Variants in OSBPL6 observed in about 807,000 individuals in gnomAD.
OSBPL6 encodes oxysterol-binding protein-related protein 6.
A neutral mutation model predicts 125.8 loss-of-function variants in OSBPL6; 49 were observed. The observed-to-expected ratio is 0.39, with a 90% confidence interval of 0.31 to 0.49. The LOEUF is 0.49. OSBPL6 is among the 20% of genes least tolerant of loss of function. OSBPL6 has a pLI of 0.88. For missense variants in OSBPL6, 986 were observed against 1,135.4 expected (o/e 0.87, Z 1.89); for synonymous variants, 394 against 391.8 (o/e 1.01, Z -0.07).
intron 1 of OSBPL6, among the ~76,000 whole-genome samples, chr2:178,246,353 C>T (rs1486364394): frequency 2.0e-5 from 3 of 152,148 alleles, no homozygotes; most frequent in African/African-American, 7.2e-5. Flanking sequence ...TGAGCATCTC[C>T]TCCTGTGGCT....
intron 12 of OSBPL6, among the ~76,000 whole-genome samples, chr2:178,359,279 A>G (rs1028846439): frequency 8.5e-5 from 13 of 152,230 alleles, no homozygotes; most frequent in African/African-American, 2.7e-4. Context: ...AGATGACATA[A>G]AAATGACCAA....
intron 13 of OSBPL6, among the ~76,000 whole-genome samples, chr2:178,364,666 C>A (rs1465270351): frequency 6.6e-6 from 1 of 152,070 alleles, no homozygotes; most frequent in East Asian, 1.9e-4. Flanking sequence ...AGCTGGTTTG[C>A]TTTAGGTATT....
intron 4 of OSBPL6, among the ~76,000 whole-genome samples, chr2:178,327,196 G>A (rs1279306366): frequency 1.3e-5 from 2 of 152,138 alleles, no homozygotes; most frequent in Non-Finnish European, 2.9e-5. Flanking sequence ...GAAATTAGTA[G>A]TTAGTAGCCA....
intron 13 of OSBPL6, among the ~76,000 whole-genome samples, chr2:178,363,245 G>A (rs542549864): frequency 3.3e-5 from 5 of 152,248 alleles, no homozygotes; most frequent in African/African-American, 9.6e-5. Flanking sequence ...GTGAAACAGA[G>A]AATGGTAAAT....
intron 1 of OSBPL6, among the ~76,000 whole-genome samples, chr2:178,223,739 C>G (rs562215738): frequency 5.3e-5 from 8 of 152,198 alleles, no homozygotes; most frequent in Non-Finnish European, 1.0e-4. Context: ...TATTGTTACT[C>G]ATTCTCAAAT....
chr2:178,245,615 C>T (rs1191486382), intron 1 of OSBPL6, among the ~76,000 whole-genome samples: 2 of 152,200 alleles, frequency 1.3e-5, no homozygotes, highest in South Asian at 2.1e-4. Context: ...AACAAGTATA[C>T]GTGGGATAAC....
At chr2:178,356,754 G>A (rs1025057782) in intron 12 of OSBPL6, among the ~76,000 whole-genome samples, 1 of 152,110 alleles carries the variant, frequency 6.6e-6, no homozygotes, top group Non-Finnish European at 1.5e-5. Flanking sequence ...AGTTCATGTG[G>A]AAACAAAAAA....
chr2:178,198,883 AT>A (rs1334124107), intron 1 of OSBPL6, among the ~76,000 whole-genome samples: 1 of 152,230 alleles, frequency 6.6e-6, no homozygotes, highest in African/African-American at 2.4e-5. Context: ...AATAGCTAAA[AT>A]GACCAAGGAT....
At chr2:178,251,769 G>T (rs559564828) in intron 1 of OSBPL6, among the ~76,000 whole-genome samples, 1 of 152,108 alleles carries the variant, frequency 6.6e-6, no homozygotes, top group Non-Finnish European at 1.5e-5. Flanking sequence ...AGGCACTGGC[G>T]CCAAATGGAG....
rs1227598356 is a variant in OSBPL6 at position 178,401,874 on chromosome 2, C to T, written c.*6315C>T. The T allele has an allele frequency of 6.6e-6, 1 of 152,214 alleles. No individual in the cohort carries two copies. The highest frequency in any genetic ancestry group is 1.5e-5 in the Non-Finnish European group (1 of 68,078). The allele number at this position is 152,214 out of a possible 1,614,324, so 9.4% of individuals were successfully genotyped here. A position where few individuals can be genotyped will look rare whatever the true frequency, so the allele number is the denominator to read the frequency against. Reference sequence around the variant, plus strand: ...AGAGTGTGCCAGCTAAATACTCTTTCCTTTGTCCCTGTGCCTCAGTCTTTT... The same window carrying T: ...AGAGTGTGCCAGCTAAATACTCTTTTCTTTGTCCCTGTGCCTCAGTCTTTT... On this transcript the variant is annotated 3_prime_UTR_variant, in exon 25 of 25. Transcript: ENST00000190611.
chr2:178,365,842 C>G (rs1692774731), intron 13 of OSBPL6, among the ~76,000 whole-genome samples: 1 of 152,060 alleles, frequency 6.6e-6, no homozygotes, highest in Non-Finnish European at 1.5e-5. Context: ...TGGCATCTAT[C>G]CCTTATAAAT....
At chr2:178,208,756 C>CTGTCCTTCCATCCTTCCTTCCTT (rs2089681263) in intron 1 of OSBPL6, among the ~76,000 whole-genome samples, 1 of 151,110 alleles carries the variant, frequency 6.6e-6, no homozygotes, top group African/African-American at 2.4e-5. Context: ...TTCCCTCTTT[C>CTGTCCTTCCATCCTTCCTTCCTT]CCTCCTTCTG....
At chr2:178,348,399 GT>G (rs1297934448) in intron 11 of OSBPL6, among the ~76,000 whole-genome samples, 1 of 152,174 alleles carries the variant, frequency 6.6e-6, no homozygotes, top group Admixed American at 6.5e-5. Flanking sequence ...TTCCAGGAAT[GT>G]TTGGCTGACA....
chr2:178,338,602 C>T (rs943070805), intron 9 of OSBPL6, among the ~76,000 whole-genome samples: 1 of 152,298 alleles, frequency 6.6e-6, no homozygotes, highest in East Asian at 1.9e-4. Context: ...TACCCAAATT[C>T]CAGATAACCA....
intron 2 of OSBPL6, among the ~76,000 whole-genome samples, chr2:178,293,871 A>G (rs1574779672): frequency 1.3e-5 from 2 of 152,140 alleles, no homozygotes; most frequent in South Asian, 4.1e-4. Context: ...TTTTCAACAA[A>G]TAGTGCTCGA....
chr2:178,352,875 G>C (rs752632234), intron 12 of OSBPL6, among the ~76,000 whole-genome samples: 1 of 152,170 alleles, frequency 6.6e-6, no homozygotes, highest in Non-Finnish European at 1.5e-5. Flanking sequence ...GTGCCTCTCT[G>C]AGACGAAGCT....
At chr2:178,265,429 G>A (rs1179906751) in intron 1 of OSBPL6, among the ~76,000 whole-genome samples, 2 of 151,460 alleles carry the variant, frequency 1.3e-5, no homozygotes, top group South Asian at 4.2e-4. Flanking sequence ...GCCCAGTCTG[G>A]TCTCAAACTC....
At chr2:178,209,048 T>G (rs898017611) in intron 1 of OSBPL6, among the ~76,000 whole-genome samples, 1 of 152,178 alleles carries the variant, frequency 6.6e-6, no homozygotes, top group Non-Finnish European at 1.5e-5. Flanking sequence ...CTAAGTTTGT[T>G]TTTCTGTCTG....
chr2:178,207,078 A>G (rs2089575564), intron 1 of OSBPL6, among the ~76,000 whole-genome samples: 1 of 152,116 alleles, frequency 6.6e-6, no homozygotes, highest in Non-Finnish European at 1.5e-5. Context: ...TTAAAGAGAA[A>G]GCGATAGCCA....
Sources: gnomAD v4.1 joint callset for allele counts (sites outside exome capture counted in the v4.1 genomes callset) on GRCh38, gnomAD v4.1.1 for gene constraint, MANE v1.5 for transcripts, NCBI Gene and HGNC (gene_info 2026-07-23, HGNC 2026-07-21) for gene names.